FARP1: variants seen among roughly 807,000 people sequenced by gnomAD.
The protein encoded by FARP1 is FERM, ARHGEF and pleckstrin domain-containing protein 1.
Under a neutral mutation model 128.8 loss-of-function variants are expected in FARP1, and 52 were observed. That is an observed-to-expected ratio of 0.40 (90% CI 0.32 to 0.51). The LOEUF is 0.51. Ranked by LOEUF, FARP1 falls within the 20% of genes least tolerant of loss-of-function variation. The probability of loss-of-function intolerance (pLI) is 0.45; values close to 1 mark genes in which losing one functional copy is unlikely to be tolerated. For missense variants in FARP1, 1,333 were observed against 1,367.9 expected (o/e 0.97, Z 0.40); for synonymous variants, 580 against 551.8 (o/e 1.05, Z -0.72).
intron 3 of FARP1, among the ~76,000 whole-genome samples, chr13:98,348,170 A>T (rs1429505512): frequency 3.3e-5 from 5 of 152,246 alleles, no homozygotes; most frequent in Admixed American, 6.5e-5. Flanking sequence ...ACTTGTCCCA[A>T]GGCTTGTCAA....
chr13:98,396,103 G>A (rs903688549), intron 13 of FARP1: 1 of 399,162 alleles, frequency 2.5e-6, no homozygotes. Context: ...TAGCCAGGTA[G>A]CATTTACCCC....
At chr13:98,195,435 C>T (rs900304844) in intron 1 of FARP1, among the ~76,000 whole-genome samples, 2 of 152,126 alleles carry the variant, frequency 1.3e-5, no homozygotes, top group African/African-American at 4.8e-5. Context: ...GTGTGTGTCT[C>T]AGTATTACGG....
intron 1 of FARP1, among the ~76,000 whole-genome samples, chr13:98,152,758 A>G (rs1258608457): frequency 1.2e-5 from 1 of 86,014 alleles, no homozygotes. Flanking sequence ...TCTACCTGTT[A>G]ATTATGTGGA....
chr13:98,369,353 C>CTTTTT (rs35605642), intron 5 of FARP1, among the ~76,000 whole-genome samples: 1 of 139,106 alleles, frequency 7.2e-6, no homozygotes, highest in Admixed American at 7.1e-5. Flanking sequence ...CAGCCTAATT[C>CTTTTT]TTTTTTTTTT....
At chr13:98,445,856 C>CAT (rs1214321121) in intron 24 of FARP1, 6 of 384,330 alleles carry the variant, frequency 1.6e-5, no homozygotes, top group South Asian at 5.3e-5. Flanking sequence ...AGGACCTCAA[C>CAT]GTGTCTTTTG....
At chr13:98,428,275 G>C (rs1224843369) in intron 17 of FARP1, among the ~76,000 whole-genome samples, 1 of 152,172 alleles carries the variant, frequency 6.6e-6, no homozygotes, top group African/African-American at 2.4e-5. Context: ...AAAACGCTTG[G>C]AAATCAATGC....
intron 19 of FARP1, among the ~76,000 whole-genome samples, chr13:98,438,512 C>G (rs1358055525): frequency 6.6e-6 from 1 of 152,054 alleles, no homozygotes; most frequent in Admixed American, 6.5e-5. Flanking sequence ...TGGTACCTGC[C>G]CTGTACCTTC....
At chr13:98,309,328 G>A (rs575975353) in intron 2 of FARP1, among the ~76,000 whole-genome samples, 1 of 146,418 alleles carries the variant, frequency 6.8e-6, no homozygotes, top group Non-Finnish European at 1.5e-5. Context: ...CATCACGCCC[G>A]GCTATTTTTT....
At chr13:98,169,632 G>T (rs1412212238) in intron 1 of FARP1, among the ~76,000 whole-genome samples, 2 of 152,154 alleles carry the variant, frequency 1.3e-5, no homozygotes, top group African/African-American at 4.8e-5. Context: ...TACATACAGA[G>T]TTAAAAATGG....
At chr13:98,295,936 A>C (rs1233180951) in intron 2 of FARP1, among the ~76,000 whole-genome samples, 2 of 152,176 alleles carry the variant, frequency 1.3e-5, no homozygotes, top group African/African-American at 4.8e-5. Context: ...TTAAAATATA[A>C]GAAAGAGCCC....
At chr13:98,261,939 G>C (rs1156635367) in intron 2 of FARP1, among the ~76,000 whole-genome samples, 1 of 152,056 alleles carries the variant, frequency 6.6e-6, no homozygotes, top group Admixed American at 6.6e-5. Flanking sequence ...AGATCTGGAG[G>C]GGACACCCAA....
At chr13:98,386,059 A>G in intron 8 of FARP1, 1 of 471,758 alleles carries the variant, frequency 2.1e-6, no homozygotes, top group Non-Finnish European at 3.8e-6. Context: ...TTGACTTTGT[A>G]GCATCACAGA....
chr13:98,378,914 A>G lies in FARP1; in HGVS notation c.496+996A>G, dbSNP rs1440531324. 5.0e-5 allele frequency among the ~76,000 whole-genome samples: 6 copies of G among 121,078 alleles called. 2 individuals carry two copies. The highest frequency in any genetic ancestry group is 9.5e-5 in the Non-Finnish European group (6 of 63,092). 79.4% of individuals were successfully genotyped at this position (121,078 alleles called of 152,430 possible). A position where few individuals can be genotyped will look rare whatever the true frequency, so the allele number is the denominator to read the frequency against. On this transcript the variant is annotated intron_variant, in intron 6 of 26. Transcript: ENST00000319562. Reference sequence around the variant, plus strand: ...AGCACTATATATATATATATAATATATATATAATATATACAATATATAATC... The same window carrying G: ...AGCACTATATATATATATATAATATGTATATAATATATACAATATATAATC...
At chr13:98,335,095 G>A (rs1887686126) in intron 2 of FARP1, among the ~76,000 whole-genome samples, 2 of 152,164 alleles carry the variant, frequency 1.3e-5, no homozygotes, top group African/African-American at 4.8e-5. Context: ...CTCCATCAGG[G>A]AGAATAGCCA....
Position 98,438,415 on chromosome 13 carries a change from G to A in FARP1, c.2275-389G>A, listed in dbSNP as rs117694346. Among the ~76,000 whole-genome samples the A allele has an allele frequency of 6.7e-3, 1,018 of 152,176 alleles. 3 individuals carry two copies. Among genetic ancestry groups the A allele is most frequent in the Non-Finnish European group, 0.011 (728 of 67,996 alleles). ...CTCCCTCACCGTGGGGAGCCCTGGG[G>A]ATCCTGGGGTTACACACATGGTCCT... On this transcript the variant is annotated intron_variant, in intron 19 of 26. Coordinates refer to ENST00000319562, the MANE Select transcript of FARP1 (RefSeq NM_005766.4).
At chr13:98,247,111 G>A (rs1260157417) in intron 2 of FARP1, among the ~76,000 whole-genome samples, 1 of 152,156 alleles carries the variant, frequency 6.6e-6, no homozygotes. Flanking sequence ...CCTGTAACCC[G>A]CATGCCTGTA....
At chr13:98,273,924 G>T (rs997919134) in intron 2 of FARP1, among the ~76,000 whole-genome samples, 2 of 152,044 alleles carry the variant, frequency 1.3e-5, no homozygotes, top group East Asian at 3.9e-4. Context: ...GAATGATGGC[G>T]GTCAATGACA....
chr13:98,277,942 G>A (rs937642594), intron 2 of FARP1, among the ~76,000 whole-genome samples: 1 of 152,176 alleles, frequency 6.6e-6, no homozygotes, highest in African/African-American at 2.4e-5. Context: ...TCAAAATCTG[G>A]TGATCTGTTA....
Position 98,431,261 on chromosome 13 carries a change from C to G in FARP1, c.2124C>G (p.Ala708=). 2 of 1,590,584 alleles carry G rather than the reference C, an allele frequency of 1.3e-6. No individual in the cohort carries two copies. The highest frequency in any genetic ancestry group is 1.7e-6 in the Non-Finnish European group (2 of 1,169,202). The change falls in exon 18 of 27, where the codon GCC becomes GCG. Residue 708 remains alanine, a synonymous_variant. Coordinates refer to ENST00000319562, the MANE Select transcript of FARP1 (RefSeq NM_005766.4). ...GCAAACACCACCCGCCGAGCCACGC[C>G]GACTTCAGGGACTGCCGAGGTGAGT... ...RLCKHHPPSH[A]DFRDCRAALA...
Sources: allele counts gnomAD v4.1 joint callset (sites outside exome capture counted in the v4.1 genomes callset), GRCh38; gene constraint gnomAD v4.1.1; transcripts MANE v1.5; gene names NCBI Gene and HGNC (gene_info 2026-07-23, HGNC 2026-07-21).